LUZP2: variants seen among roughly 807,000 people sequenced by gnomAD.
The protein encoded by LUZP2 is leucine zipper protein 2.
In LUZP2, 52 loss-of-function variants were observed where a neutral mutation model predicts 51.6. The observed-to-expected ratio is 1.01, with a 90% CI of 0.81 to 1.27. The LOEUF (loss-of-function observed/expected upper bound fraction) is 1.27. Ranked by LOEUF, LUZP2 falls within the 50% of genes most tolerant of loss-of-function variation. LUZP2 has a pLI of 0.00. For missense variants in LUZP2, 436 were observed against 395.4 expected, an observed-to-expected ratio of 1.10 and a Z score of -0.87; for synonymous variants, 154 against 137.3, an observed-to-expected ratio of 1.12 and a Z score of -0.85.
At chr11:24,646,544 G>A (rs1380622817) in intron 1 of LUZP2, 2 of 973,440 alleles carry the variant, frequency 2.1e-6, no homozygotes, top group Non-Finnish European at 2.4e-6. Flanking sequence ...TCTCTTGATT[G>A]CAAGATGACT....
chr11:24,814,190 C>A (rs768286438), intron 5 of LUZP2, among the ~76,000 whole-genome samples: 1 of 152,202 alleles, frequency 6.6e-6, no homozygotes, highest in Non-Finnish European at 1.5e-5. Flanking sequence ...TTTGCCCTAT[C>A]TTTTCCATTG....
At chr11:24,678,879 G>T (rs1023761742) in intron 1 of LUZP2, among the ~76,000 whole-genome samples, 2 of 152,190 alleles carry the variant, frequency 1.3e-5, no homozygotes, top group Admixed American at 1.3e-4. Context: ...TCCTTGAAAG[G>T]TTATTTTCTG....
intron 7 of LUZP2, among the ~76,000 whole-genome samples, chr11:24,931,689 T>G (rs543830028): frequency 5.9e-4 from 90 of 152,344 alleles, no homozygotes; most frequent in Non-Finnish European, 1.1e-3. Context: ...TCTCTGGTAC[T>G]TCCTTGAGTA....
At chr11:24,765,219 G>C (rs572089941) in intron 5 of LUZP2, among the ~76,000 whole-genome samples, 71 of 152,260 alleles carry the variant, frequency 4.7e-4, no homozygotes, top group Admixed American at 5.2e-4. Flanking sequence ...AATAACTGGT[G>C]TATACACTGT....
chr11:24,973,045 C>T (rs145802627), intron 7 of LUZP2, among the ~76,000 whole-genome samples: 2,446 of 133,618 alleles, frequency 0.018, 37 homozygotes, highest in South Asian at 0.097. Context: ...CCTGTAAATC[C>T]GTCTGGTCCT....
At chr11:24,878,410 C>A (rs538080384) in intron 5 of LUZP2, among the ~76,000 whole-genome samples, 2 of 152,098 alleles carry the variant, frequency 1.3e-5, no homozygotes, top group Non-Finnish European at 2.9e-5. Flanking sequence ...AAATCTGCCA[C>A]CAGGTGTATT....
At chr11:24,931,254 T>C (rs1590746000) in intron 7 of LUZP2, among the ~76,000 whole-genome samples, 2 of 91,542 alleles carry the variant, frequency 2.2e-5, no homozygotes, top group South Asian at 8.2e-4. Flanking sequence ...TAAAATAAAA[T>C]AAAATAAAAT....
intron 4 of LUZP2, among the ~76,000 whole-genome samples, chr11:24,752,420 C>T (rs1472547145): frequency 6.6e-6 from 1 of 152,140 alleles, no homozygotes; most frequent in Non-Finnish European, 1.5e-5. Flanking sequence ...CCAGAGAAAG[C>T]TCCATTTTGA....
intron 5 of LUZP2, among the ~76,000 whole-genome samples, chr11:24,813,585 C>T (rs796213532): frequency 1.3e-5 from 2 of 152,334 alleles, no homozygotes; most frequent in African/African-American, 4.8e-5. Context: ...CAAGAGCTCA[C>T]TTGTCAACAA....
chr11:24,961,886 C>T (rs886237965), intron 7 of LUZP2, among the ~76,000 whole-genome samples: 22 of 151,228 alleles, frequency 1.5e-4, no homozygotes, highest in Non-Finnish European at 2.8e-4. Context: ...TGGCTGGTAC[C>T]GGTTGTTCCT....
chr11:24,733,753 TTTAAA>T (rs1217377540), intron 3 of LUZP2, among the ~76,000 whole-genome samples: 1 of 140,584 alleles, frequency 7.1e-6, no homozygotes, highest in Non-Finnish European at 1.6e-5. Flanking sequence ...AAAAAAAAAT[TTTAAA>T]AAAACCATGA....
intron 5 of LUZP2, among the ~76,000 whole-genome samples, chr11:24,787,881 A>G (rs546692885): frequency 6.6e-6 from 1 of 152,090 alleles, no homozygotes; most frequent in Non-Finnish European, 1.5e-5. Flanking sequence ...CTGCCTCAGC[A>G]TCTTGAGTCA....
chr11:24,713,091 A>G (rs1461395350), intron 1 of LUZP2, among the ~76,000 whole-genome samples: 1 of 152,196 alleles, frequency 6.6e-6, no homozygotes, highest in Non-Finnish European at 1.5e-5. Flanking sequence ...CTTAGTTTGC[A>G]TTAGCAGACC....
At chr11:24,662,149 A>G (rs1471840860) in intron 1 of LUZP2, among the ~76,000 whole-genome samples, 1 of 152,186 alleles carries the variant, frequency 6.6e-6, no homozygotes, top group Non-Finnish European at 1.5e-5. Flanking sequence ...GAGAAGCATC[A>G]ACATGATAAA....
intron 5 of LUZP2, chr11:24,785,960 T>G (rs1304800769): frequency 1.0e-6 from 1 of 985,190 alleles, no homozygotes; most frequent in Admixed American, 6.2e-5. Flanking sequence ...CCAAATGTAA[T>G]TATTTGAGTT....
intron 5 of LUZP2, among the ~76,000 whole-genome samples, chr11:24,898,419 T>C (rs1341652112): frequency 6.6e-6 from 1 of 152,134 alleles, no homozygotes; most frequent in African/African-American, 2.4e-5. Flanking sequence ...GGTCAGGAGA[T>C]CAAGACCATC....
intron 7 of LUZP2, among the ~76,000 whole-genome samples, chr11:24,971,502 A>C (rs1400416529): frequency 6.6e-6 from 1 of 152,120 alleles, no homozygotes; most frequent in South Asian, 2.1e-4. Flanking sequence ...TGGAGGGAGG[A>C]GGTTAGGTTG....
intron 7 of LUZP2, among the ~76,000 whole-genome samples, chr11:24,924,333 C>T (rs1030744188): frequency 3.3e-5 from 5 of 152,168 alleles, no homozygotes; most frequent in African/African-American, 9.7e-5. Flanking sequence ...CCGCCTCTGC[C>T]TCCCAAATTG....
intron 7 of LUZP2, among the ~76,000 whole-genome samples, chr11:24,974,893 T>C (rs1252110811): frequency 1.3e-5 from 2 of 151,992 alleles, no homozygotes; most frequent in African/African-American, 4.8e-5. Context: ...TTATTTATTA[T>C]GGTAAAACAT....
Sources: gnomAD v4.1 joint callset for allele counts (sites outside exome capture counted in the v4.1 genomes callset) on GRCh38, gnomAD v4.1.1 for gene constraint, MANE v1.5 for transcripts, NCBI Gene and HGNC (gene_info 2026-07-23, HGNC 2026-07-21) for gene names.